The following GTF2F2 variants were observed in gnomAD, a reference collection of about 807,000 sequenced individuals.
GTF2F2 encodes ATP-dependent helicase GTF2F2.
In GTF2F2, 23 loss-of-function variants were observed where a neutral mutation model predicts 42.2. The ratio of observed to expected loss-of-function variants is 0.55; its 90% CI spans 0.39 to 0.77. GTF2F2 has a LOEUF of 0.77. Among genes scored for constraint, GTF2F2 ranks in the 30% least tolerant of loss-of-function variants. The probability of loss-of-function intolerance (pLI) is 0.00; values close to 1 mark genes in which losing one functional copy is unlikely to be tolerated. For synonymous variants in GTF2F2, 105 were observed against 100.8 expected, an observed-to-expected ratio of 1.04 and a Z score of -0.25; for missense variants, 261 against 287.2, an observed-to-expected ratio of 0.91 and a Z score of 0.66.
intron 5 of GTF2F2, among the ~76,000 whole-genome samples, chr13:45,225,611 C>CAAAAAAA (rs35637992): frequency 1.5e-5 from 1 of 65,542 alleles, no homozygotes; most frequent in Non-Finnish European, 3.4e-5. Context: ...AGCTCTGTCT[C>CAAAAAAA]AAAAAAAAAA....
intron 4 of GTF2F2, among the ~76,000 whole-genome samples, chr13:45,203,815 A>G (rs1344203587): frequency 6.6e-6 from 1 of 152,132 alleles, no homozygotes; most frequent in Non-Finnish European, 1.5e-5. Context: ...GTTAATCTAG[A>G]GGTGAGTTAA....
chr13:45,267,602 C>T (rs1025165349), intron 7 of GTF2F2, among the ~76,000 whole-genome samples: 5 of 152,148 alleles, frequency 3.3e-5, no homozygotes, highest in African/African-American at 1.2e-4. Flanking sequence ...AAATTATCCT[C>T]ATGTTCATTT....
At position 45,120,610 on chromosome 13, in the gene GTF2F2, C is replaced by A; in HGVS notation, c.-46C>A. The A allele has an allele frequency of 6.8e-7, 1 of 1,466,080 alleles. No homozygotes were observed. The highest frequency in any genetic ancestry group is 9.3e-7 in the Non-Finnish European group (1 of 1,070,184). The allele number at this position is 1,466,080 out of a possible 1,614,324, so 90.8% of individuals were successfully genotyped here. ...CGCCCGCTCCTCAGCCCTGCGGCTC[C>A]TGGGGTCGCTGCTGCATCCCGCACG... On this transcript the variant is annotated 5_prime_UTR_variant, in exon 1 of 8. In the 5' UTR this introduces an upstream ATG that the reference lacks. Transcript: ENST00000340473.
rs1868589715 is a variant in GTF2F2 at position 45,120,795 on chromosome 13, TC to T, written c.66+76del. 39 of 1,071,492 alleles carry T rather than the reference TC, an allele frequency of 3.6e-5. No individual in the cohort carries two copies. The South Asian group carries it at 5.3e-4, about 15-fold the overall frequency. 66.4% of individuals were successfully genotyped at this position (1,071,492 alleles called of 1,614,324 possible). ...TTTAAGTAACTTGAGCCTATCCCGC[TC>T]CGTGCGCCTCTTAAAGTTCTTTTAC... On this transcript the variant is annotated intron_variant, in intron 1 of 7. Coordinates refer to ENST00000340473, the MANE Select transcript of GTF2F2 (RefSeq NM_004128.3).
At chr13:45,202,213 C>A (rs1873224863) in intron 4 of GTF2F2, among the ~76,000 whole-genome samples, 1 of 152,024 alleles carries the variant, frequency 6.6e-6, no homozygotes, top group South Asian at 2.1e-4. Flanking sequence ...ATGGCAAAAC[C>A]CCATCTCCAC....
chr13:45,126,501 T>G (rs1178661959), intron 1 of GTF2F2, among the ~76,000 whole-genome samples: 1 of 152,068 alleles, frequency 6.6e-6, no homozygotes, highest in Non-Finnish European at 1.5e-5. Context: ...CCCCCTGCCT[T>G]GGCCTCCCAA....
intron 2 of GTF2F2, among the ~76,000 whole-genome samples, chr13:45,141,690 T>A (rs1869934595): frequency 6.6e-6 from 1 of 152,158 alleles, no homozygotes; most frequent in Non-Finnish European, 1.5e-5. Context: ...AATACCTACT[T>A]TCTTGTTTTT....
intron 6 of GTF2F2, among the ~76,000 whole-genome samples, chr13:45,264,097 T>TAG (rs958393224): frequency 5.9e-5 from 9 of 152,158 alleles, no homozygotes; most frequent in African/African-American, 1.9e-4. Context: ...TAGGCAAATG[T>TAG]AGAGGTAGGC....
intron 5 of GTF2F2, among the ~76,000 whole-genome samples, chr13:45,218,156 C>T (rs2138201627): frequency 6.6e-6 from 1 of 152,222 alleles, no homozygotes; most frequent in Admixed American, 6.5e-5. Context: ...GGATTTGTCA[C>T]CAGGACAACC....
At chr13:45,149,848 A>G in intron 3 of GTF2F2, 60 bp downstream of exon 3, 2 of 1,423,018 alleles carry the variant, frequency 1.4e-6, no homozygotes, top group Non-Finnish European at 1.9e-6. Flanking sequence ...CATTAATAAT[A>G]GTGAAAAAAG....
intron 4 of GTF2F2, among the ~76,000 whole-genome samples, chr13:45,169,254 G>T (rs1365985377): frequency 6.6e-6 from 1 of 152,162 alleles, no homozygotes; most frequent in Non-Finnish European, 1.5e-5. Flanking sequence ...TTTAAAAAGA[G>T]GCAGTGGCAA....
At chr13:45,170,513 T>C (rs1370691782) in intron 4 of GTF2F2, among the ~76,000 whole-genome samples, 1 of 152,256 alleles carries the variant, frequency 6.6e-6, no homozygotes, top group Non-Finnish European at 1.5e-5. Flanking sequence ...TCATGAGTTT[T>C]GCAGTCTTGA....
intron 1 of GTF2F2, among the ~76,000 whole-genome samples, chr13:45,122,665 A>T (rs889984038): frequency 6.6e-6 from 1 of 152,002 alleles, no homozygotes; most frequent in East Asian, 1.9e-4. Context: ...AAAAAGTGTA[A>T]TTTGTTGCTT....
chr13:45,219,989 A>G (rs962174441), intron 5 of GTF2F2, among the ~76,000 whole-genome samples: 5 of 152,232 alleles, frequency 3.3e-5, no homozygotes, highest in Admixed American at 6.5e-5. Context: ...AAATATGCCA[A>G]TGAGCAGTAT....
intron 3 of GTF2F2, among the ~76,000 whole-genome samples, chr13:45,150,045 A>G (rs985840574): frequency 6.6e-5 from 10 of 152,194 alleles, no homozygotes; most frequent in African/African-American, 2.4e-4. Context: ...CTTCTGTAAT[A>G]CTTTACTAAT....
At chr13:45,259,394 C>A (rs1437028651) in intron 6 of GTF2F2, among the ~76,000 whole-genome samples, 1 of 151,950 alleles carries the variant, frequency 6.6e-6, no homozygotes, top group Non-Finnish European at 1.5e-5. Context: ...CCACTGCACT[C>A]CAGTCTGGGC....
chr13:45,222,824 C>T (rs1566140238), intron 5 of GTF2F2, among the ~76,000 whole-genome samples: 1 of 152,118 alleles, frequency 6.6e-6, no homozygotes, highest in South Asian at 2.1e-4. Context: ...AAATACTAAA[C>T]CTGCTTCGTG....
chr13:45,275,757 A>C (rs1877007279), intron 7 of GTF2F2, among the ~76,000 whole-genome samples: 2 of 152,166 alleles, frequency 1.3e-5, no homozygotes, highest in East Asian at 3.8e-4. Flanking sequence ...GTGCTGCAGT[A>C]AACATACGTG....
At chr13:45,149,838 C>T (rs1209030034) in intron 3 of GTF2F2, 50 bp downstream of exon 3, 1 of 1,447,380 alleles carries the variant, frequency 6.9e-7, no homozygotes, top group South Asian at 1.4e-5. Flanking sequence ...ACTATCTTTT[C>T]ATTAATAATA....
Sources: allele counts gnomAD v4.1 joint callset (sites outside exome capture counted in the v4.1 genomes callset), GRCh38; gene constraint gnomAD v4.1.1; transcripts MANE v1.5; gene names NCBI Gene and HGNC (gene_info 2026-07-23, HGNC 2026-07-21).